The following BCL9 variants were observed in gnomAD, a reference collection of about 807,000 sequenced individuals.
BCL9 encodes B-cell CLL/lymphoma 9 protein.
A neutral mutation model predicts 88.5 loss-of-function variants in BCL9; 25 were observed. The observed-to-expected ratio is 0.28, with a 90% CI of 0.21 to 0.39. BCL9 has a LOEUF of 0.39. Among genes scored for constraint, BCL9 ranks in the 10% least tolerant of loss-of-function variants. The pLI, the probability that BCL9 is intolerant of heterozygous loss-of-function variation, is 1.00. For missense variants in BCL9, 1,817 were observed against 1,877.8 expected (o/e 0.97, Z 0.60); for synonymous variants, 711 against 673.3 (o/e 1.06, Z -0.87).
chr1:147,617,579 C>A (rs1232303786), intron 7 of BCL9, among the ~76,000 whole-genome samples: 1 of 152,116 alleles, frequency 6.6e-6, no homozygotes, highest in Non-Finnish European at 1.5e-5. Context: ...CCTCAAAATC[C>A]AACATTTATA....
chr1:147,599,397 G>C (rs587606328), intron 1 of BCL9, among the ~76,000 whole-genome samples: 1 of 152,338 alleles, frequency 6.6e-6, no homozygotes, highest in South Asian at 2.1e-4. Flanking sequence ...GGGCAGCAGG[G>C]AAGAGTGAGG....
intron 1 of BCL9, among the ~76,000 whole-genome samples, chr1:147,585,176 TAA>T (rs1260292760): frequency 6.6e-6 from 1 of 152,192 alleles, no homozygotes; most frequent in Non-Finnish European, 1.5e-5. Context: ...TGGGATTTAT[TAA>T]AAGAGATTTG....
Position 147,613,076 on chromosome 1 carries a change from A to C in BCL9, c.247A>C (p.Met83Leu). 6.2e-7 allele frequency: 1 copy of C among 1,613,942 alleles called. No homozygotes were observed. Among genetic ancestry groups the C allele is most frequent in the Non-Finnish European group, 8.5e-7 (1 of 1,179,866 alleles). Residue 83 changes from methionine to leucine, a missense_variant, in exon 5 of 10, where the codon ATG (methionine) becomes CTG (leucine). Met to Leu is a conservative substitution (Grantham distance 15). This residue lies in a region of BCL9 where 1,228 missense variants were observed against 1,191.6 expected (regional missense o/e 1.03). Transcript: ENST00000234739. ...PKALPGPGGS[M>L]GLKNGAGNGA... ...AGCACTCCCTGGCCCAGGTGGGAGC[A>C]TGGGGCTGAAGAATGGGGCTGGAAA...
At chr1:147,611,503 C>T (rs1450620896) in intron 3 of BCL9, 75 bp from the exon 4 acceptor site, 2 of 358,942 alleles carry the variant, frequency 5.6e-6, no homozygotes, top group African/African-American at 2.0e-5. Context: ...AGTGCTTTCA[C>T]CTTGATCCTG....
intron 1 of BCL9, among the ~76,000 whole-genome samples, chr1:147,600,988 A>G (rs1553201201): frequency 6.6e-6 from 1 of 152,162 alleles, no homozygotes; most frequent in Non-Finnish European, 1.5e-5. Context: ...GAGCCTGGTG[A>G]AATGGAGATA....
chr1:147,611,204 G>A (rs1355526058), intron 3 of BCL9, among the ~76,000 whole-genome samples: 1 of 152,118 alleles, frequency 6.6e-6, no homozygotes, highest in African/African-American at 2.4e-5. Context: ...CGGTACCTAG[G>A]GGTTTCAAAG....
intron 1 of BCL9, among the ~76,000 whole-genome samples, chr1:147,577,730 A>G (rs1377653579): frequency 6.6e-6 from 1 of 151,900 alleles, no homozygotes; most frequent in Non-Finnish European, 1.5e-5. Context: ...ATTCCATTGT[A>G]ATGATATGTT....
chr1:147,597,435 AT>A (rs1657104473), intron 1 of BCL9, among the ~76,000 whole-genome samples: 1 of 152,186 alleles, frequency 6.6e-6, no homozygotes, highest in African/African-American at 2.4e-5. Context: ...AAAATCCTTT[AT>A]TTTTAGCAAT....
intron 1 of BCL9, among the ~76,000 whole-genome samples, chr1:147,557,041 A>G (rs1553195537): frequency 4.6e-5 from 7 of 152,218 alleles, no homozygotes. Flanking sequence ...TCTACTGTCT[A>G]GAAGTTGAGC....
At chr1:147,596,815 C>A (rs972049138) in intron 1 of BCL9, among the ~76,000 whole-genome samples, 1 of 152,050 alleles carries the variant, frequency 6.6e-6, no homozygotes, top group Non-Finnish European at 1.5e-5. Flanking sequence ...AGCTGAAATT[C>A]ACCAGTTTTG....
intron 1 of BCL9, among the ~76,000 whole-genome samples, chr1:147,567,597 C>G (rs587762120): frequency 6.6e-6 from 1 of 152,186 alleles, no homozygotes; most frequent in African/African-American, 2.4e-5. Context: ...ATTAATGGCA[C>G]AAAATTCAAT....
At chr1:147,608,374 G>T (rs1191386734) in intron 3 of BCL9, among the ~76,000 whole-genome samples, 1 of 125,464 alleles carries the variant, frequency 8.0e-6, no homozygotes, top group African/African-American at 3.1e-5. Context: ...TCTACAGCCT[G>T]TCTGAATGCT....
chr1:147,569,502 C>T (rs11240080), intron 1 of BCL9, among the ~76,000 whole-genome samples: 66,160 of 132,590 alleles, frequency 0.5, 18,516 homozygotes, highest in African/African-American at 0.81. Flanking sequence ...AGAAAAAAAT[C>T]AGCCAGGTGT....
chr1:147,553,074 A>G (rs1351560970), intron 1 of BCL9, among the ~76,000 whole-genome samples: 1 of 151,866 alleles, frequency 6.6e-6, no homozygotes, highest in African/African-American at 2.4e-5. Context: ...CCATAAGTAT[A>G]TTCATGATTA....
intron 8 of BCL9, 87 bp downstream of exon 8, chr1:147,621,144 GTA>G: frequency 2.9e-6 from 4 of 1,374,724 alleles, no homozygotes; most frequent in Middle Eastern, 1.9e-4. Flanking sequence ...GGTGTCTTGA[GTA>G]CACAGACAGA....
intron 1 of BCL9, among the ~76,000 whole-genome samples, chr1:147,586,349 G>C (rs1656602174): frequency 6.6e-6 from 1 of 151,844 alleles, no homozygotes. Context: ...CGTTTAACTG[G>C]GTCCCCACAC....
chr1:147,600,165 A>C (rs1360860859), intron 1 of BCL9: 2 of 156,878 alleles, frequency 1.3e-5, no homozygotes, highest in Non-Finnish European at 1.4e-5. Flanking sequence ...AATGGAGCCT[A>C]TGTGTGCTTG....
chr1:147,574,625 A>T (rs1164276289), intron 1 of BCL9, among the ~76,000 whole-genome samples: 6 of 152,234 alleles, frequency 3.9e-5, no homozygotes, highest in Non-Finnish European at 8.8e-5. Flanking sequence ...TTATCCCAAC[A>T]TGGGAGTAAT....
At chr1:147,554,330 G>A (rs185857600) in intron 1 of BCL9, among the ~76,000 whole-genome samples, 2 of 152,314 alleles carry the variant, frequency 1.3e-5, no homozygotes, top group African/African-American at 4.8e-5. Context: ...GGATTTATCT[G>A]TAATGAGAAA....
Sources: gnomAD v4.1 joint callset for allele counts (sites outside exome capture counted in the v4.1 genomes callset) on GRCh38, gnomAD v4.1.1 for gene constraint, gnomAD v4.1.1 regional missense constraint, MANE v1.5 for transcripts, NCBI Gene and HGNC (gene_info 2026-07-23, HGNC 2026-07-21) for gene names.